NME7: variants seen among roughly 807,000 people sequenced by gnomAD.
The protein encoded by NME7 is nucleoside diphosphate kinase 7.
A neutral mutation model predicts 49.1 loss-of-function variants in NME7; 41 were observed. That is an observed-to-expected ratio of 0.83 (90% CI 0.65 to 1.08). The LOEUF (loss-of-function observed/expected upper bound fraction) is 1.08, where lower values mean the gene tolerates loss of function less well. Among genes scored for constraint, NME7 ranks in the 50% least tolerant of loss-of-function variants. The probability of loss-of-function intolerance (pLI) is 0.00; values close to 1 mark genes in which losing one functional copy is unlikely to be tolerated. For synonymous variants in NME7, 139 were observed against 150.6 expected (o/e 0.92, Z 0.56); for missense variants, 423 against 463.4 (o/e 0.91, Z 0.80).
rs767913261 is a variant in NME7, at chr1:169,298,651, G to T, written c.553C>A (p.Arg185Ser). ...CTAATGCTTTCAGAAGCATCTGTGC[G>T]TGCCACTCCAGAGTTTGCAGGTCCC... Reference protein sequence around the residue: ...LLGPANSGVARTDASESIRAL... With the variant: ...LLGPANSGVASTDASESIRAL... Residue 185 changes from arginine (R) to serine (S), a missense_variant, in exon 6 of 12, where the codon CGC becomes AGC. Transcript: ENST00000367811. The T allele has an allele frequency of 2.5e-6, 4 of 1,613,930 alleles. No individual in the cohort carries two copies. The highest frequency in any genetic ancestry group is 2.2e-5 in the East Asian group (1 of 44,878).
chr1:169,283,341 T>G (rs1044998949), intron 7 of NME7, among the ~76,000 whole-genome samples: 1 of 152,102 alleles, frequency 6.6e-6, no homozygotes, highest in South Asian at 2.1e-4. Context: ...ATATGTGTCT[T>G]TGCAAGTGAG....
chr1:169,191,390 A>G (rs1660226752), intron 10 of NME7, among the ~76,000 whole-genome samples: 1 of 152,198 alleles, frequency 6.6e-6, no homozygotes, highest in Non-Finnish European at 1.5e-5. Flanking sequence ...AGAGAAAAAA[A>G]GTCTTTACAG....
chr1:169,144,510 C>A (rs530940547), intron 11 of NME7, among the ~76,000 whole-genome samples: 1 of 152,060 alleles, frequency 6.6e-6, no homozygotes, highest in Non-Finnish European at 1.5e-5. Flanking sequence ...AAGGATCAAC[C>A]TCCTAGCATT....
At chr1:169,232,550 G>C (rs114054371) in intron 9 of NME7, among the ~76,000 whole-genome samples, 1 of 123,176 alleles carries the variant, frequency 8.1e-6, no homozygotes, top group Non-Finnish European at 1.9e-5. Flanking sequence ...TAAGCAGCCA[G>C]GGTGTTGGGG....
chr1:169,172,138 T>A (rs532849362), intron 10 of NME7, among the ~76,000 whole-genome samples: 3 of 152,110 alleles, frequency 2.0e-5, no homozygotes, highest in Non-Finnish European at 4.4e-5. Flanking sequence ...CTTGCATCCA[T>A]ATGTCTGATG....
At chr1:169,202,464 T>A (rs1425452700) in intron 10 of NME7, among the ~76,000 whole-genome samples, 4 of 152,160 alleles carry the variant, frequency 2.6e-5, no homozygotes, top group Admixed American at 2.0e-4. Flanking sequence ...CATGAGCCAA[T>A]TAAATCTCTT....
chr1:169,345,921 C>T (rs1355597003), intron 1 of NME7, among the ~76,000 whole-genome samples: 1 of 152,176 alleles, frequency 6.6e-6, no homozygotes, highest in Non-Finnish European at 1.5e-5. Flanking sequence ...GCAACGCTAT[C>T]CTTACCATTG....
chr1:169,244,374 T>C (rs1235289717), intron 7 of NME7, among the ~76,000 whole-genome samples: 1 of 152,156 alleles, frequency 6.6e-6, no homozygotes, highest in African/African-American at 2.4e-5. Context: ...GGCTCACGCC[T>C]GTAATCCCAG....
intron 11 of NME7, among the ~76,000 whole-genome samples, chr1:169,168,721 T>C (rs1209489466): frequency 6.6e-6 from 1 of 152,192 alleles, no homozygotes; most frequent in Non-Finnish European, 1.5e-5. Context: ...TAACTACTAA[T>C]GCTGTTGACC....
intron 11 of NME7, among the ~76,000 whole-genome samples, chr1:169,150,643 T>C (rs553698682): frequency 1.2e-4 from 18 of 152,246 alleles, no homozygotes; most frequent in Admixed American, 2.6e-4. Context: ...TTCCTTTCTA[T>C]TAACCAGCTA....
intron 10 of NME7, among the ~76,000 whole-genome samples, chr1:169,216,067 A>G (rs1029183806): frequency 2.0e-5 from 3 of 152,238 alleles, no homozygotes; most frequent in Non-Finnish European, 2.9e-5. Flanking sequence ...TTGCTAAAAG[A>G]GTTGTGATAT....
At chr1:169,349,949 G>A (rs2101973720) in intron 1 of NME7, among the ~76,000 whole-genome samples, 1 of 152,132 alleles carries the variant, frequency 6.6e-6, no homozygotes, top group African/African-American at 2.4e-5. Context: ...CCAGCACTTT[G>A]GGAGGCCGAG....
intron 9 of NME7, among the ~76,000 whole-genome samples, chr1:169,234,518 T>A (rs1647777942): frequency 1.3e-5 from 2 of 152,114 alleles, no homozygotes; most frequent in African/African-American, 4.8e-5. Context: ...TAATAGCAGG[T>A]AATATTTACT....
chr1:169,323,849 T>C (rs2101938093), intron 2 of NME7, among the ~76,000 whole-genome samples: 1 of 143,488 alleles, frequency 7.0e-6, no homozygotes, highest in Admixed American at 7.0e-5. Flanking sequence ...TTTTTTTTTT[T>C]TTTTTTTTTT....
intron 10 of NME7, among the ~76,000 whole-genome samples, chr1:169,177,910 C>T (rs1469001073): frequency 6.6e-6 from 1 of 152,078 alleles, no homozygotes; most frequent in Non-Finnish European, 1.5e-5. Flanking sequence ...GATCGCGGCT[C>T]ACTGCAAGCT....
intron 11 of NME7, among the ~76,000 whole-genome samples, chr1:169,138,675 T>C (rs569384060): frequency 6.6e-6 from 1 of 152,278 alleles, no homozygotes. Context: ...GCTAAGATCA[T>C]GCCAGTGCAC....
chr1:169,170,526 A>G (rs1394352359), intron 10 of NME7, among the ~76,000 whole-genome samples: 1 of 152,236 alleles, frequency 6.6e-6, no homozygotes, highest in Non-Finnish European at 1.5e-5. Flanking sequence ...ACATTTTGAT[A>G]AAGTAGAAAA....
In NME7 at chr1:169,266,200, T is replaced by C. The variant is rs533300515; in HGVS notation, c.754+21103A>G. On this transcript the variant is annotated intron_variant, in intron 7 of 11. Coordinates refer to ENST00000367811, the MANE Select transcript of NME7 (RefSeq NM_013330.5). ...GGCCAATGTCCTTGATGTACATCTA[T>C]ATAAAAATTTTCAACAAAATACTCG... 4.5e-5 allele frequency among the ~76,000 whole-genome samples: 6 copies of C among 133,062 alleles called. 1 individual carries two copies. The East Asian group carries it at 8.0e-4, about 18-fold the overall frequency. The allele number at this position is 133,062 out of a possible 152,430, so 87.3% of individuals were successfully genotyped here.
chr1:169,328,680 T>A (rs1017875012), intron 1 of NME7, among the ~76,000 whole-genome samples: 4 of 152,174 alleles, frequency 2.6e-5, no homozygotes, highest in Admixed American at 2.6e-4. Context: ...AAAGGATATA[T>A]CATATTAATA....
Sources: gnomAD v4.1 joint callset for allele counts (sites outside exome capture counted in the v4.1 genomes callset) on GRCh38, gnomAD v4.1.1 for gene constraint, MANE v1.5 for transcripts, NCBI Gene and HGNC (gene_info 2026-07-23, HGNC 2026-07-21) for gene names.